The following HP1BP3 variants were observed in gnomAD, a reference collection of about 807,000 sequenced individuals.
The protein encoded by HP1BP3 is heterochromatin protein 1 binding protein 3, also known as heterochromatin protein 1-binding protein 3.
A neutral mutation model predicts 62.5 loss-of-function variants in HP1BP3; 12 were observed. The observed-to-expected ratio is 0.19, with a 90% CI of 0.12 to 0.31. The LOEUF (loss-of-function observed/expected upper bound fraction) is 0.31, where lower values mean the gene tolerates loss of function less well. Ranked by LOEUF, HP1BP3 falls within the 10% of genes least tolerant of loss-of-function variation. The pLI is 1.00. For missense variants in HP1BP3, 502 were observed against 651.8 expected (o/e 0.77, Z 2.50); for synonymous variants, 260 against 237.8 (o/e 1.09, Z -0.86).
At chr1:20,762,386 T>C (rs1361900891) in intron 8 of HP1BP3, among the ~76,000 whole-genome samples, 2 of 152,080 alleles carry the variant, frequency 1.3e-5, no homozygotes, top group African/African-American at 4.8e-5. Flanking sequence ...CACTACCTTA[T>C]GTAAGTAGAG....
At chr1:20,784,725 C>T (rs2057740235) in intron 1 of HP1BP3, among the ~76,000 whole-genome samples, 1 of 152,198 alleles carries the variant, frequency 6.6e-6, no homozygotes, top group Non-Finnish European at 1.5e-5. Context: ...ATCCGCCCAC[C>T]TCAGCCTCCC....
chr1:20,756,973 G>A (rs1052011186), intron 9 of HP1BP3, among the ~76,000 whole-genome samples, 193 bp downstream of exon 9: 2 of 152,164 alleles, frequency 1.3e-5, no homozygotes, highest in Non-Finnish European at 2.9e-5. Flanking sequence ...GCCTCCCAAA[G>A]TGCTGGGATT....
At chr1:20,778,285 T>C (rs2057390453) in intron 3 of HP1BP3, among the ~76,000 whole-genome samples, 2 of 152,260 alleles carry the variant, frequency 1.3e-5, no homozygotes, top group South Asian at 2.1e-4. Context: ...AACTACTGTG[T>C]TTCTGTGTAA....
chr1:20,760,943 C>T (rs529956068), intron 8 of HP1BP3, among the ~76,000 whole-genome samples: 1 of 152,294 alleles, frequency 6.6e-6, no homozygotes, highest in South Asian at 2.1e-4. Flanking sequence ...ATGAAAAAAG[C>T]AGTTAAGAAG....
chr1:20,781,320 T>C (rs2057534949), intron 1 of HP1BP3, among the ~76,000 whole-genome samples: 1 of 152,152 alleles, frequency 6.6e-6, no homozygotes, highest in African/African-American at 2.4e-5. Flanking sequence ...AATGAACTAT[T>C]AACAATGAGT....
chr1:20,757,959 C>T (rs929869901), intron 8 of HP1BP3, among the ~76,000 whole-genome samples: 1 of 151,972 alleles, frequency 6.6e-6, no homozygotes, highest in Non-Finnish European at 1.5e-5. Context: ...GCCTGGCCAA[C>T]ATAGTGAAAC....
chr1:20,769,926 G>C (rs1201966984), intron 6 of HP1BP3, among the ~76,000 whole-genome samples: 4 of 152,156 alleles, frequency 2.6e-5, no homozygotes, highest in Non-Finnish European at 4.4e-5. Context: ...AAACAGGCAG[G>C]GGGTATAGAA....
At chr1:20,782,045 G>T (rs561424883) in intron 1 of HP1BP3, among the ~76,000 whole-genome samples, 18 of 152,248 alleles carry the variant, frequency 1.2e-4, no homozygotes, top group African/African-American at 4.3e-4. Context: ...TATTGCTAAT[G>T]AATTTATCTT....
chr1:20,753,912 C>CTTG (rs2055933311), intron 9 of HP1BP3, among the ~76,000 whole-genome samples: 1 of 152,174 alleles, frequency 6.6e-6, no homozygotes, highest in Non-Finnish European at 1.5e-5. Flanking sequence ...CTATAGCTAA[C>CTTG]TTGTGAAGGA....
chr1:20,752,300 CTT>C (rs1034571321), intron 9 of HP1BP3, among the ~76,000 whole-genome samples: 1 of 145,806 alleles, frequency 6.9e-6, no homozygotes, highest in African/African-American at 2.5e-5. Flanking sequence ...TTTTCACTGT[CTT>C]TTTTTTTTTG....
chr1:20,783,158 G>A (rs1237214132), intron 1 of HP1BP3, among the ~76,000 whole-genome samples: 2 of 151,868 alleles, frequency 1.3e-5, no homozygotes, highest in Non-Finnish European at 2.9e-5. Context: ...AAAGACATCT[G>A]GTAGTACTTA....
chr1:20,777,557 C>G (rs953264882), intron 3 of HP1BP3, among the ~76,000 whole-genome samples: 5 of 152,064 alleles, frequency 3.3e-5, no homozygotes, highest in Non-Finnish European at 7.4e-5. Context: ...TCCCCAGGTT[C>G]AAGCGATTCT....
rs1286650893 is a variant in HP1BP3 at position 20,746,186 on chromosome 1, A to ATATGTGTGTGTGTGTGTGTGTGTG, written c.1254-531_1254-530insCACACACACACACACACACACATA. On this transcript the variant is annotated intron_variant, in intron 11 of 12. Transcript: ENST00000438032. ...CTTAAATGATAACATACATACATAT[A>ATATGTGTGTGTGTGTGTGTGTGTG]TGTGTGTGTGTGTGTGTGTGTGTGT... Among the ~76,000 whole-genome samples the ATATGTGTGTGTGTGTGTGTGTGTG allele has an allele frequency of 1.2e-3, 172 of 143,232 alleles. 2 individuals are homozygous for ATATGTGTGTGTGTGTGTGTGTGTG. Among genetic ancestry groups the ATATGTGTGTGTGTGTGTGTGTGTG allele is most frequent in the African/African-American group, 4.5e-3 (167 of 37,132 alleles). The allele number at this position is 143,232 out of a possible 152,430, so 94.0% of individuals were successfully genotyped here.
rs1322052782 is a variant in HP1BP3, at chr1:20,741,691, C to G, written c.*3106G>C. Among the ~76,000 whole-genome samples the G allele has an allele frequency of 6.6e-6, 1 of 152,244 alleles. No homozygotes were observed. The highest frequency in any genetic ancestry group is 2.4e-5 in the African/African-American group (1 of 41,468). Reference sequence around the variant, plus strand: ...GTAGGTTAAGAAGCCAACAATCTCTCTCCCAGCACTTTCTGAGACTCATTT... The same window carrying G: ...GTAGGTTAAGAAGCCAACAATCTCTGTCCCAGCACTTTCTGAGACTCATTT... On this transcript the variant is annotated 3_prime_UTR_variant, in exon 13 of 13. Transcript: ENST00000438032.
At chr1:20,751,178 A>G (rs1456648794) in intron 9 of HP1BP3, among the ~76,000 whole-genome samples, 1 of 152,054 alleles carries the variant, frequency 6.6e-6, no homozygotes, top group Non-Finnish European at 1.5e-5. Context: ...TTGCTTTATT[A>G]TAAGAGTACA....
At chr1:20,781,699 T>A (rs2057557973) in intron 1 of HP1BP3, among the ~76,000 whole-genome samples, 2 of 152,220 alleles carry the variant, frequency 1.3e-5, no homozygotes, top group Admixed American at 1.3e-4. Flanking sequence ...CGATCTCAGC[T>A]CGCTGCAACC....
At chr1:20,776,498 C>A (rs1266225715) in intron 4 of HP1BP3, 99 bp downstream of exon 4, 1 of 1,044,568 alleles carries the variant, frequency 9.6e-7, no homozygotes, top group Non-Finnish European at 1.4e-6. Context: ...ATAGCAAATA[C>A]CTAGCATAAA....
chr1:20,785,405 T>G (rs190790116), intron 1 of HP1BP3, among the ~76,000 whole-genome samples: 1 of 152,334 alleles, frequency 6.6e-6, no homozygotes, highest in East Asian at 1.9e-4. Context: ...CATTTTACCA[T>G]AAAATATATG....
At chr1:20,746,665 G>C (rs1024494722) in intron 11 of HP1BP3, among the ~76,000 whole-genome samples, 1 of 152,156 alleles carries the variant, frequency 6.6e-6, no homozygotes, top group African/African-American at 2.4e-5. Context: ...TCAGATAAGT[G>C]TTCCTGTCTC....
Sources: gnomAD v4.1 joint callset for allele counts (sites outside exome capture counted in the v4.1 genomes callset) on GRCh38, gnomAD v4.1.1 for gene constraint, MANE v1.5 for transcripts, NCBI Gene and HGNC (gene_info 2026-07-23, HGNC 2026-07-21) for gene names.